Variants in EGF observed in about 807,000 individuals in gnomAD.
The protein encoded by EGF is epidermal growth factor.
A neutral mutation model predicts 143.8 loss-of-function variants in EGF; 95 were observed. That is an observed-to-expected ratio of 0.66 (90% CI 0.56 to 0.78). The LOEUF (loss-of-function observed/expected upper bound fraction) is 0.78. Among genes scored for constraint, EGF ranks in the 30% least tolerant of loss-of-function variants. The probability of loss-of-function intolerance (pLI) is 0.00; values close to 1 mark genes in which losing one functional copy is unlikely to be tolerated. For missense variants in EGF, 1,320 were observed against 1,470.9 expected (o/e 0.90, Z 1.68); for synonymous variants, 510 against 510.5 (o/e 1.00, Z 0.01).
At chr4:109,924,265 C>T (rs1738268511) in intron 1 of EGF, among the ~76,000 whole-genome samples, 1 of 151,470 alleles carries the variant, frequency 6.6e-6, no homozygotes. Flanking sequence ...ATTTACAATG[C>T]ACATGACACC....
At position 109,943,450 on chromosome 4, in the gene EGF, A is replaced by G; in HGVS notation, c.509+15A>G. The G allele has an allele frequency of 6.2e-7, 1 of 1,608,446 alleles. No homozygotes were observed. The highest frequency in any genetic ancestry group is 1.1e-5 in the South Asian group (1 of 90,764). On this transcript the variant is annotated intron_variant, in intron 3 of 23. Coordinates refer to ENST00000265171, the MANE Select transcript of EGF (RefSeq NM_001963.6). Reference sequence around the variant, plus strand: ...CCAGTAGAAAGGTAAATTCTGCTGTATTCAGACATTGAAATATATTTACAA... The same window carrying G: ...CCAGTAGAAAGGTAAATTCTGCTGTGTTCAGACATTGAAATATATTTACAA...
At chr4:109,992,966 A>T (rs1297463304) in intron 18 of EGF, among the ~76,000 whole-genome samples, 1 of 92,580 alleles carries the variant, frequency 1.1e-5, no homozygotes, top group African/African-American at 4.0e-5. Flanking sequence ...GGGAGGGGGG[A>T]GGGATAGCAT....
intron 16 of EGF, among the ~76,000 whole-genome samples, chr4:109,985,420 C>A (rs1008287928): frequency 1.3e-5 from 2 of 152,188 alleles, no homozygotes; most frequent in African/African-American, 4.8e-5. Context: ...TTAACGTGGC[C>A]TTTTGGGCCC....
At chr4:110,004,190 T>C in intron 21 of EGF, 1 of 393,526 alleles carries the variant, frequency 2.5e-6, no homozygotes, top group Non-Finnish European at 4.8e-6. Context: ...GCAAGGCTAT[T>C]CCCCCCAACA....
At chr4:109,970,706 T>C (rs564691473) in intron 11 of EGF, among the ~76,000 whole-genome samples, 4 of 151,410 alleles carry the variant, frequency 2.6e-5, no homozygotes, top group South Asian at 2.1e-4. Flanking sequence ...GCGCCTGTAG[T>C]CCCAGCTACT....
chr4:109,984,180 C>T (rs1749789876), intron 16 of EGF, among the ~76,000 whole-genome samples: 2 of 151,286 alleles, frequency 1.3e-5, no homozygotes, highest in Non-Finnish European at 2.9e-5. Context: ...TCAAGCAGTG[C>T]AATTTGACTT....
chr4:109,987,786 G>C lies in EGF; in HGVS notation c.2534G>C (p.Arg845Pro). The change falls in exon 17 of 24, where the codon CGG becomes CCG. Residue 845 changes from arginine (R) to proline (P), a missense_variant. Physicochemically the swap from Arg to Pro is moderately radical, Grantham distance 103 (BLOSUM62 -2). Coordinates refer to ENST00000265171, the MANE Select transcript of EGF (RefSeq NM_001963.6). ...CCTGTGGGATGCAGCATGTATGCTC[G>C]GTGTATTTCAGAGGGAGAGGATGCC... ...CAPVGCSMYA[R>P]CISEGEDATC... 6.2e-7 allele frequency: 1 copy of C among 1,613,936 alleles called. No individual in the cohort carries two copies.
At chr4:110,004,978 A>G (rs995183300) in intron 22 of EGF, among the ~76,000 whole-genome samples, 3 of 151,182 alleles carry the variant, frequency 2.0e-5, no homozygotes, top group South Asian at 2.1e-4. Flanking sequence ...TAAAAACCCA[A>G]GATTGTGCTT....
intron 21 of EGF, chr4:110,004,248 AC>A: frequency 1.8e-5 from 9 of 494,464 alleles, no homozygotes; most frequent in East Asian, 4.5e-5. Context: ...ACACACACAC[AC>A]ACAAACACAC....
rs879008809 is a variant in EGF at position 109,974,753 on chromosome 4, T to A, written c.1775T>A (p.Ile592Asn). 5.6e-6 allele frequency: 9 copies of A among 1,613,650 alleles called. No homozygotes were observed. Among genetic ancestry groups the A allele is most frequent in the Non-Finnish European group, 7.6e-6 (9 of 1,179,664 alleles). The change falls in exon 12 of 24, where the codon ATC becomes AAC. Residue 592 changes from isoleucine (I) to asparagine (N), a missense_variant. Ile to Asn is a moderately radical substitution (Grantham distance 149, BLOSUM62 -3). Coordinates refer to ENST00000265171, the MANE Select transcript of EGF (RefSeq NM_001963.6). Reference sequence around the variant, plus strand: ...TTAAATGGGAAACGTTCCAAAATAATCACTAAGGAGAACATCTCTCAACCA... The same window carrying A: ...TTAAATGGGAAACGTTCCAAAATAAACACTAAGGAGAACATCTCTCAACCA... ...SDLNGKRSKI[I>N]TKENISQPRG...
intron 19 of EGF, 55 bp downstream of exon 19, chr4:109,993,424 T>C: frequency 3.7e-6 from 6 of 1,608,192 alleles, no homozygotes; most frequent in Non-Finnish European, 3.4e-6. Context: ...GGGGATATTC[T>C]ATACCCTAAT....
chr4:109,989,859 G>C (rs6850557), intron 18 of EGF, among the ~76,000 whole-genome samples: 1 of 151,824 alleles, frequency 6.6e-6, no homozygotes, highest in Non-Finnish European at 1.5e-5. Flanking sequence ...TGGTTGGCAC[G>C]GAGTCCTCAA....
At chr4:109,981,864 T>G (rs891876370) in intron 15 of EGF, among the ~76,000 whole-genome samples, 1 of 152,028 alleles carries the variant, frequency 6.6e-6, no homozygotes. Context: ...AGCTGTGTAG[T>G]CAATGGTCAA....
chr4:109,985,551 G>A (rs1361857979), intron 16 of EGF, among the ~76,000 whole-genome samples: 1 of 152,200 alleles, frequency 6.6e-6, no homozygotes, highest in African/African-American at 2.4e-5. Context: ...ACATGGACAT[G>A]TGTGCTAGTT....
At chr4:109,998,257 G>A (rs1007285816) in intron 20 of EGF, among the ~76,000 whole-genome samples, 29 of 152,218 alleles carry the variant, frequency 1.9e-4, no homozygotes, top group Non-Finnish European at 2.5e-4. Flanking sequence ...AAGATAGCTA[G>A]AATTAAAACA....
intron 1 of EGF, among the ~76,000 whole-genome samples, chr4:109,914,541 C>A (rs767499767): frequency 3.3e-5 from 5 of 152,194 alleles, no homozygotes; most frequent in Non-Finnish European, 5.9e-5. Flanking sequence ...TCTCTGGACT[C>A]TGTTCTCAGG....
chr4:109,993,411 C>T (rs1751318031), intron 19 of EGF, 42 bp downstream of exon 19: 4 of 1,611,014 alleles, frequency 2.5e-6, no homozygotes. Context: ...AGGGACTTGG[C>T]TCGGGGATAT....
At chr4:109,934,559 A>G (rs1740411026) in intron 1 of EGF, among the ~76,000 whole-genome samples, 2 of 152,092 alleles carry the variant, frequency 1.3e-5, no homozygotes, top group South Asian at 4.1e-4. Flanking sequence ...GAAGCTCTTT[A>G]GTTTAATTAG....
At chr4:110,003,685 T>A (rs753160011) in intron 21 of EGF, among the ~76,000 whole-genome samples, 1 of 152,126 alleles carries the variant, frequency 6.6e-6, no homozygotes, top group African/African-American at 2.4e-5. Context: ...TCCATCTCCA[T>A]GCTAAATCTC....
Sources: allele counts gnomAD v4.1 joint callset (sites outside exome capture counted in the v4.1 genomes callset), GRCh38; gene constraint gnomAD v4.1.1; transcripts MANE v1.5; gene names NCBI Gene and HGNC (gene_info 2026-07-23, HGNC 2026-07-21).